SPRY3: variants seen among roughly 807,000 people sequenced by gnomAD.
SPRY3 encodes sprouty RTK signaling antagonist 3.
SPRY3 carries 15 observed loss-of-function variants against 20.2 expected under a neutral mutation model. The ratio of observed to expected loss-of-function variants is 0.74; its 90% CI spans 0.50 to 1.14. The LOEUF (loss-of-function observed/expected upper bound fraction) is 1.14, where lower values mean the gene tolerates loss of function less well. Among genes scored for constraint, SPRY3 ranks in the 50% most tolerant of loss-of-function variants. The pLI is 0.00. For synonymous variants in SPRY3, 143 were observed against 136.5 expected, an observed-to-expected ratio of 1.05 and a Z score of -0.33; for missense variants, 364 against 363.9, an observed-to-expected ratio of 1.00 and a Z score of 0.00.
chrX:155,771,333 C>T (rs1004040936), intron 3 of SPRY3, among the ~76,000 whole-genome samples: 3 of 152,158 alleles, frequency 2.0e-5, no homozygotes, highest in Admixed American at 6.5e-5. Flanking sequence ...ACCTTCTGGG[C>T]ATGTCCCTGA....
At chrX:155,613,855 G>T (rs1425529349) in intron 1 of SPRY3, among the ~76,000 whole-genome samples, 16 of 111,233 alleles carry the variant, frequency 1.4e-4, no homozygotes, top group Non-Finnish European at 2.6e-4. Flanking sequence ...GGCCTCAAGA[G>T]TACCACTTAC....
intron 2 of SPRY3, among the ~76,000 whole-genome samples, chrX:155,747,844 T>G (rs979010430): frequency 6.6e-6 from 1 of 151,912 alleles, no homozygotes; most frequent in Non-Finnish European, 1.5e-5. Context: ...GAACTTTTTT[T>G]TTTTAATTTC....
intron 2 of SPRY3, among the ~76,000 whole-genome samples, chrX:155,665,906 T>G (rs1307780072): frequency 8.9e-6 from 1 of 112,262 alleles, no homozygotes; most frequent in Non-Finnish European, 1.9e-5. Context: ...TTTCTGTATG[T>G]TTGAAATATT....
chrX:155,661,380 G>A (rs1348326497), intron 2 of SPRY3, among the ~76,000 whole-genome samples: 3 of 111,778 alleles, frequency 2.7e-5, no homozygotes, highest in African/African-American at 9.7e-5. Context: ...GCTTATAAGG[G>A]TTCTGCTGAG....
chrX:155,636,769 T>C lies in SPRY3; in HGVS notation c.-440-20098T>C, dbSNP rs185371105. ...TGAATTTGAAGAGAAATCAACATAG[T>C]TCAGAGGCAAATACAGTAACTATTG... On this transcript the variant is annotated intron_variant, in intron 1 of 3. Coordinates refer to ENST00000675360, the Ensembl canonical transcript of SPRY3. 4.7e-4 allele frequency among the ~76,000 whole-genome samples: 52 copies of C among 110,365 alleles called. 1 individual carries two copies. Among genetic ancestry groups the C allele is most frequent in the East Asian group, 4.3e-3 (15 of 3,487 alleles).
intron 2 of SPRY3, among the ~76,000 whole-genome samples, chrX:155,670,831 T>C (rs782042443): frequency 8.9e-6 from 1 of 112,013 alleles, no homozygotes; most frequent in Non-Finnish European, 1.9e-5. Context: ...GAACGAGGGC[T>C]ACAAGCCTTT....
downstream of SPRY3, chrX:155,777,211 G>T (rs2091432815): frequency 6.0e-6 from 1 of 166,966 alleles, no homozygotes; most frequent in African/African-American, 2.4e-5. Context: ...TGTGCTTAGA[G>T]CTCAGTTATC....
chrX:155,684,400 G>A (rs2124569260), intron 2 of SPRY3, among the ~76,000 whole-genome samples: 1 of 110,823 alleles, frequency 9.0e-6, no homozygotes, highest in East Asian at 2.9e-4. Context: ...GAAGGAAAGG[G>A]GGGACATTGC....
intron 2 of SPRY3, among the ~76,000 whole-genome samples, chrX:155,765,622 T>G (rs931491226): frequency 6.6e-6 from 1 of 152,148 alleles, no homozygotes; most frequent in Non-Finnish European, 1.5e-5. Context: ...CAATTTAACT[T>G]TTTTTGTCAT....
chrX:155,719,096 AC>A (rs1411921835), intron 2 of SPRY3, among the ~76,000 whole-genome samples: 1 of 152,142 alleles, frequency 6.6e-6, no homozygotes, highest in Non-Finnish European at 1.5e-5. Flanking sequence ...CACCACCCCC[AC>A]AATGTGCCCT....
chrX:155,620,342 T>G (rs950089540), intron 1 of SPRY3, among the ~76,000 whole-genome samples: 5 of 111,703 alleles, frequency 4.5e-5, no homozygotes, highest in African/African-American at 1.6e-4. Flanking sequence ...ATACCACTCC[T>G]AAGTATTTAC....
intron 2 of SPRY3, among the ~76,000 whole-genome samples, chrX:155,739,279 G>C (rs947554355): frequency 1.3e-5 from 2 of 152,084 alleles, no homozygotes; most frequent in Admixed American, 6.5e-5. Context: ...CAGCAATTCC[G>C]ACCAGGGTTA....
intron 2 of SPRY3, among the ~76,000 whole-genome samples, chrX:155,736,923 T>C (rs1362090313): frequency 6.6e-6 from 1 of 152,108 alleles, no homozygotes; most frequent in Non-Finnish European, 1.5e-5. Context: ...GAAGCTAATA[T>C]TGCCATATCT....
intron 2 of SPRY3, among the ~76,000 whole-genome samples, chrX:155,740,922 A>C (rs886882293): frequency 5.3e-5 from 8 of 152,030 alleles, no homozygotes; most frequent in Admixed American, 4.6e-4. Flanking sequence ...GTCACCCCGG[A>C]GGCCCAGCTG....
At chrX:155,733,514 T>C (rs949873354) in intron 2 of SPRY3, among the ~76,000 whole-genome samples, 1 of 151,966 alleles carries the variant, frequency 6.6e-6, no homozygotes, top group Non-Finnish European at 1.5e-5. Context: ...TGGGCTTTGA[T>C]GTTCCATTTC....
chrX:155,716,754 C>T (rs2091025499), intron 2 of SPRY3, among the ~76,000 whole-genome samples: 2 of 151,562 alleles, frequency 1.3e-5, no homozygotes. Flanking sequence ...GATTGCACAG[C>T]TCAGTGGTCA....
intron 2 of SPRY3, among the ~76,000 whole-genome samples, chrX:155,745,745 C>T (rs2091222410): frequency 6.6e-6 from 1 of 151,992 alleles, no homozygotes; most frequent in South Asian, 2.1e-4. Context: ...TGTAATTTAC[C>T]TTGCATAATG....
At chrX:155,738,820 C>G (rs1185472072) in intron 2 of SPRY3, among the ~76,000 whole-genome samples, 29 of 152,192 alleles carry the variant, frequency 1.9e-4, no homozygotes, top group Non-Finnish European at 2.9e-5. Flanking sequence ...CACAGAGACA[C>G]AGGAGCTTTG....
chrX:155,767,743 GAGGAGGAGGA>G, intron 2 of SPRY3: 1 of 145,260 alleles, frequency 6.9e-6, no homozygotes, highest in Admixed American at 6.9e-5. Context: ...GGAGAGAGAG[GAGGAGGAGGA>G]GAGAGAGGAG....
Sources: gnomAD v4.1 joint callset for allele counts (sites outside exome capture counted in the v4.1 genomes callset) on GRCh38, gnomAD v4.1.1 for gene constraint, MANE v1.5 for transcripts, NCBI Gene and HGNC (gene_info 2026-07-23, HGNC 2026-07-21) for gene names.